Variants in MED13 observed in about 807,000 individuals in gnomAD.
MED13 encodes mediator of RNA polymerase II transcription subunit 13.
In MED13, 23 loss-of-function variants were observed where a neutral mutation model predicts 225.2. That is an observed-to-expected ratio of 0.10 (90% CI 0.07 to 0.14). The LOEUF (loss-of-function observed/expected upper bound fraction) is 0.14, where lower values mean the gene tolerates loss of function less well. MED13 is among the 10% of genes least tolerant of loss of function. The pLI is 1.00. For synonymous variants in MED13, 942 were observed against 889.2 expected, an observed-to-expected ratio of 1.06 and a Z score of -1.06; for missense variants, 2,197 against 2,594.5, an observed-to-expected ratio of 0.85 and a Z score of 3.33.
At chr17:62,011,367 T>C (rs944630031) in intron 8 of MED13, 134 bp from the exon 9 acceptor site, 1 of 812,660 alleles carries the variant, frequency 1.2e-6, no homozygotes, top group Admixed American at 3.6e-5. Flanking sequence ...ATAATTTGAA[T>C]TTGAAAGGGG....
chr17:61,984,493 T>G (rs1474781422), intron 14 of MED13, 126 bp from the exon 15 acceptor site: 1 of 948,564 alleles, frequency 1.1e-6, no homozygotes, highest in African/African-American at 1.7e-5. Context: ...AATTCTATTA[T>G]TTTCTTAAAT....
At chr17:62,051,786 T>C (rs2143757059) in intron 3 of MED13, among the ~76,000 whole-genome samples, 1 of 152,356 alleles carries the variant, frequency 6.6e-6, no homozygotes, top group African/African-American at 2.4e-5. Flanking sequence ...TTTAGTTTTC[T>C]CTTCCCCACA....
At chr17:61,970,730 T>TG (rs111842502) in intron 17 of MED13, among the ~76,000 whole-genome samples, 8 of 120,300 alleles carry the variant, frequency 6.7e-5, no homozygotes, top group Middle Eastern at 3.8e-3. Context: ...ATTTAGGTTT[T>TG]TTTTTTTTTT....
intron 12 of MED13, among the ~76,000 whole-genome samples, chr17:61,986,325 G>C (rs1166614591): frequency 1.3e-5 from 2 of 152,062 alleles, no homozygotes; most frequent in African/African-American, 4.8e-5. Context: ...TATAGGAAAG[G>C]AAAGATCAAA....
intron 3 of MED13, among the ~76,000 whole-genome samples, chr17:62,038,069 G>A (rs975426467): frequency 6.8e-6 from 1 of 146,196 alleles, no homozygotes; most frequent in African/African-American, 2.5e-5. Flanking sequence ...TAAAAACACA[G>A]TTTTCAACTG....
intron 2 of MED13, 70 bp from the exon 3 acceptor site, chr17:62,052,775 T>C: frequency 8.2e-7 from 1 of 1,217,874 alleles, no homozygotes; most frequent in Non-Finnish European, 1.1e-6. Context: ...TAAAAAAGGT[T>C]ACAGTTTAAA....
At chr17:62,020,234 T>G (rs1268856457) in intron 8 of MED13, among the ~76,000 whole-genome samples, 1 of 151,884 alleles carries the variant, frequency 6.6e-6, no homozygotes, top group Non-Finnish European at 1.5e-5. Context: ...AGCCTTTCTT[T>G]TTTTTTTTAT....
rs2081021674 is a variant in MED13 at position 62,059,552 on chromosome 17, C to A, written c.301+3515G>T. Among the ~76,000 whole-genome samples the A allele has an allele frequency of 3.3e-5, 5 of 152,332 alleles. No individual in the cohort carries two copies. In the South Asian group the frequency reaches 1.0e-3, roughly 32 times the overall value. On this transcript the variant is annotated intron_variant, in intron 2 of 29. Coordinates refer to ENST00000397786, the MANE Select transcript of MED13 (RefSeq NM_005121.3). ...TCCGGTACCCCATTCCTCAGTGCTACACCTCCACTTGGAACTCAGGACTGC... is the reference window on the plus strand; with the variant it reads ...TCCGGTACCCCATTCCTCAGTGCTAAACCTCCACTTGGAACTCAGGACTGC...
rs750521626 is a variant in MED13, at chr17:61,960,904, A to C, written c.5443T>G (p.Leu1815Val). 5.6e-6 allele frequency: 9 copies of C among 1,613,092 alleles called. No homozygotes were observed. Among genetic ancestry groups the C allele is most frequent in the African/African-American group, 2.7e-5 (2 of 74,906 alleles). ...ASCTDLYGEL[L>V]ETCIINIDVP... is the part of the protein sequence containing the mutation. ...TCGATGTTAATGATACAAGTTTCTA[A>C]AAGTTCTCCATATAGATCTGTGCAA... The change falls in exon 23 of 30, where the codon TTA becomes GTA. Residue 1815 changes from leucine to valine, a missense_variant. Transcript: ENST00000397786.
intron 8 of MED13, among the ~76,000 whole-genome samples, chr17:62,017,918 C>G (rs760875011): frequency 3.9e-5 from 6 of 152,160 alleles, no homozygotes; most frequent in Non-Finnish European, 8.8e-5. Flanking sequence ...CAAGCTGAAA[C>G]TAGCTTTTTT....
At chr17:62,034,977 C>G (rs1322847025) in intron 4 of MED13, among the ~76,000 whole-genome samples, 1 of 151,780 alleles carries the variant, frequency 6.6e-6, no homozygotes, top group Non-Finnish European at 1.5e-5. Context: ...AAAAATTGGC[C>G]AGGCTTGGTG....
At chr17:62,016,749 C>T (rs1233366182) in intron 8 of MED13, among the ~76,000 whole-genome samples, 1 of 152,170 alleles carries the variant, frequency 6.6e-6, no homozygotes, top group Non-Finnish European at 1.5e-5. Context: ...TGGCTCATGC[C>T]TGTAATCCCA....
intron 8 of MED13, among the ~76,000 whole-genome samples, chr17:62,017,193 A>G (rs559804722): frequency 1.5e-4 from 22 of 150,798 alleles, no homozygotes; most frequent in Non-Finnish European, 1.9e-4. Flanking sequence ...AGTTTCTAAT[A>G]ACAAAACAGA....
chr17:61,988,457 TAA>T (rs1016988901), intron 11 of MED13, among the ~76,000 whole-genome samples: 1 of 152,248 alleles, frequency 6.6e-6, no homozygotes, highest in Non-Finnish European at 1.5e-5. Context: ...TTCAGAAAGA[TAA>T]AAGTCACTTC....
intron 9 of MED13, chr17:62,006,184 G>C (rs146713780): frequency 6.8e-5 from 10 of 146,248 alleles, no homozygotes; most frequent in Non-Finnish European, 1.0e-4. Flanking sequence ...GCCTGGAAAA[G>C]TGAGAAAAAA....
chr17:62,022,333 T>C (rs570489522), intron 8 of MED13, among the ~76,000 whole-genome samples: 3 of 152,010 alleles, frequency 2.0e-5, no homozygotes, highest in Non-Finnish European at 2.9e-5. Context: ...TACTAAATAA[T>C]TGATAGTTAC....
chr17:62,052,582 C>T lies in MED13; in HGVS notation c.425G>A (p.Trp142Ter). 1 of 1,595,106 alleles carries T rather than the reference C, an allele frequency of 6.3e-7. No homozygotes were observed. Among genetic ancestry groups the T allele is most frequent in the Non-Finnish European group, 8.5e-7 (1 of 1,169,886 alleles). Residue 142 changes from tryptophan to a stop codon, truncating the protein, a stop_gained, in exon 3 of 30, where the codon TGG becomes TAG. Coordinates refer to ENST00000397786, the MANE Select transcript of MED13 (RefSeq NM_005121.3). LOFTEE classifies it high-confidence loss of function. ...ATCTTTTTCATAAGGCTTTACAAACCACTTGCCAATACGTACAAAATTCCT... is the reference window on the plus strand; with the variant it reads ...ATCTTTTTCATAAGGCTTTACAAACTACTTGCCAATACGTACAAAATTCCT... ...MNRNFVRIGKWFVKPYEKDEK... is the reference protein window; with the variant it reads ...MNRNFVRIGK
intron 3 of MED13, among the ~76,000 whole-genome samples, chr17:62,043,119 G>A (rs2080867580): frequency 1.8e-5 from 2 of 112,760 alleles, no homozygotes; most frequent in South Asian, 6.2e-4. Context: ...TTACACCACT[G>A]TACTCTGGCC....
chr17:62,023,282 T>C (rs1567985043), intron 8 of MED13, among the ~76,000 whole-genome samples: 1 of 152,194 alleles, frequency 6.6e-6, no homozygotes, highest in Non-Finnish European at 1.5e-5. Context: ...GACCTATCTT[T>C]CACACAGAAG....
Sources: allele counts gnomAD v4.1 joint callset (sites outside exome capture counted in the v4.1 genomes callset), GRCh38; gene constraint gnomAD v4.1.1; transcripts MANE v1.5; gene names NCBI Gene and HGNC (gene_info 2026-07-23, HGNC 2026-07-21).